SORL1: variants seen among roughly 807,000 people sequenced by gnomAD.
SORL1 encodes the protein sortilin-related receptor.
SORL1 carries 127 observed loss-of-function variants against 273.7 expected under a neutral mutation model. The observed-to-expected ratio is 0.46, with a 90% CI of 0.40 to 0.54. The LOEUF is 0.54. Among genes scored for constraint, SORL1 ranks in the 20% least tolerant of loss-of-function variants. SORL1 has a pLI of 0.00. For synonymous variants in SORL1, 1,031 were observed against 1,067.4 expected (o/e 0.97, Z 0.66); for missense variants, 2,494 against 2,846.1 (o/e 0.88, Z 2.81).
At chr11:121,458,868 T>A (rs907760147) in intron 1 of SORL1, among the ~76,000 whole-genome samples, 1 of 152,304 alleles carries the variant, frequency 6.6e-6, no homozygotes, top group Non-Finnish European at 1.5e-5. Flanking sequence ...ACATGACCAA[T>A]GCTTTGTGCA....
chr11:121,468,982 AGGT>A, intron 1 of SORL1, among the ~76,000 whole-genome samples: 1 of 152,370 alleles, frequency 6.6e-6, no homozygotes, highest in Non-Finnish European at 1.5e-5. Context: ...TTGCCCTGTA[AGGT>A]GAGCTGCGTA....
At chr11:121,497,687 T>G (rs1461301652) in intron 6 of SORL1, among the ~76,000 whole-genome samples, 1 of 152,176 alleles carries the variant, frequency 6.6e-6, no homozygotes, top group Non-Finnish European at 1.5e-5. Flanking sequence ...GTCTTGAAAT[T>G]GTATTGAGTT....
chr11:121,614,060 A>AC (rs1863606662), intron 40 of SORL1, among the ~76,000 whole-genome samples: 1 of 152,068 alleles, frequency 6.6e-6, no homozygotes, highest in Non-Finnish European at 1.5e-5. Context: ...CAGGCCTTAA[A>AC]CCCCAGTCCT....
intron 41 of SORL1, among the ~76,000 whole-genome samples, chr11:121,617,448 A>G (rs537562956): frequency 6.6e-6 from 1 of 152,356 alleles, no homozygotes; most frequent in South Asian, 2.1e-4. Context: ...TATGGTTTGT[A>G]GGACATGACT....
At chr11:121,478,852 G>A (rs370200255) in intron 3 of SORL1, among the ~76,000 whole-genome samples, 3 of 151,836 alleles carry the variant, frequency 2.0e-5, no homozygotes, top group South Asian at 4.1e-4. Context: ...GGGTACCTGC[G>A]TGTGTGTGCT....
At chr11:121,574,479 T>G in intron 24 of SORL1, 116 bp downstream of exon 24, 1 of 935,964 alleles carries the variant, frequency 1.1e-6, no homozygotes, top group Admixed American at 2.4e-5. Flanking sequence ...ATTTATGATA[T>G]TCTAGCTGAA....
chr11:121,552,859 C>G (rs1276375864), intron 16 of SORL1, among the ~76,000 whole-genome samples: 5 of 152,144 alleles, frequency 3.3e-5, no homozygotes, highest in African/African-American at 4.8e-5. Flanking sequence ...GCATCTTGGT[C>G]CCATATGCAA....
At chr11:121,605,702 C>A in intron 35 of SORL1, 131 bp downstream of exon 35, 1 of 708,852 alleles carries the variant, frequency 1.4e-6, no homozygotes, top group Non-Finnish European at 2.4e-6. Flanking sequence ...GGTGGCTAAG[C>A]TTTATAGTCT....
intron 27 of SORL1, among the ~76,000 whole-genome samples, 154 bp from the exon 28 acceptor site, chr11:121,587,866 C>T (rs1054258376): frequency 2.0e-5 from 3 of 152,212 alleles, no homozygotes; most frequent in African/African-American, 7.2e-5. Context: ...AATGCTTTAG[C>T]TCTAGGCTTG....
chr11:121,513,700 T>G (rs1272209148), intron 7 of SORL1, among the ~76,000 whole-genome samples: 1 of 152,178 alleles, frequency 6.6e-6, no homozygotes, highest in African/African-American at 2.4e-5. Flanking sequence ...GCTCACTTAC[T>G]TACCTTCCAC....
intron 18 of SORL1, chr11:121,557,019 T>G (rs1862597216): frequency 2.6e-6 from 1 of 386,280 alleles, no homozygotes; most frequent in Non-Finnish European, 4.7e-6. Flanking sequence ...ATTTACTTAT[T>G]TGAGTAATTT....
rs761703520 is a variant in SORL1 at position 121,607,264 on chromosome 11, T to C, written c.5140T>C (p.Leu1714=). The change falls in exon 37 of 48, where the codon TTG becomes CTG. Residue 1714 remains leucine, a synonymous_variant. Transcript: ENST00000260197. ...TAACTTTACAGAAATCAAGAACTTA[T>C]TGGTCAACACTCTATACACCGTCAG... The part of the protein sequence containing the change: ...ASNFTEIKNL[L]VNTLYTVRVA... 3 of 1,607,158 alleles carry C rather than the reference T, an allele frequency of 1.9e-6. No homozygotes were observed. Among genetic ancestry groups the C allele is most frequent in the Non-Finnish European group, 2.6e-6 (3 of 1,173,860 alleles).
chr11:121,627,554 G>A lies in SORL1; in HGVS notation c.6365-1G>A. 1 of 1,613,916 alleles carries A rather than the reference G, an allele frequency of 6.2e-7. No homozygotes were observed. Among genetic ancestry groups the A allele is most frequent in the Non-Finnish European group, 8.5e-7 (1 of 1,179,832 alleles). On this transcript the variant is annotated splice_acceptor_variant, in intron 46 of 47. Coordinates refer to ENST00000260197, the MANE Select transcript of SORL1 (RefSeq NM_003105.6). LOFTEE classifies it high-confidence loss of function. The surrounding 1 kb of genome is among the most constrained non-coding windows in gnomAD (Gnocchi z 4.9). Reference sequence around the variant, plus strand: ...TATTGGTGGGAACTTTGCCTTGGCAGGTGCAGATGCATCTGCAACGCAGGC... The same window carrying A: ...TATTGGTGGGAACTTTGCCTTGGCAAGTGCAGATGCATCTGCAACGCAGGC...
At chr11:121,589,481 C>T in intron 29 of SORL1, 91 bp downstream of exon 29, 1 of 1,496,256 alleles carries the variant, frequency 6.7e-7, no homozygotes, top group Non-Finnish European at 9.2e-7. Flanking sequence ...AACCCCACTG[C>T]AGACTTGGCC....
chr11:121,503,499 C>T (rs895421105), intron 6 of SORL1, among the ~76,000 whole-genome samples: 1 of 151,936 alleles, frequency 6.6e-6, no homozygotes, highest in African/African-American at 2.4e-5. Flanking sequence ...GACTCCTTCT[C>T]TCTTTTTTTT....
In SORL1 at chr11:121,550,135, A is replaced by G. The variant is rs751119486; in HGVS notation, c.2180+47A>G. 5.7e-6 allele frequency: 9 copies of G among 1,590,572 alleles called. No homozygotes were observed. The East Asian group carries it at 1.8e-4, about 32-fold the overall frequency. On this transcript the variant is annotated intron_variant, in intron 15 of 47. Transcript: ENST00000260197. This position sits in a 1 kb window ranked among gnomAD's most constrained non-coding sequence, Gnocchi z 5.3. ...CTGTCAGGTTCTCAGCGGTCCGCACATGGAGCGAGAGAGCATAGAGGACCG... is the reference window on the plus strand; with the variant it reads ...CTGTCAGGTTCTCAGCGGTCCGCACGTGGAGCGAGAGAGCATAGAGGACCG...
In SORL1 at chr11:121,470,053, G is replaced by T; in HGVS notation, c.332G>T (p.Gly111Val). 6.2e-7 allele frequency: 1 copy of T among 1,614,144 alleles called. No homozygotes were observed. Among genetic ancestry groups the T allele is most frequent in the South Asian group, 1.1e-5 (1 of 91,086 alleles). ...AATCAGATGGTGGTGCACTGGGCTGGAGAGAAAAGCAACGTGATCGTGGCC... is the reference window on the plus strand; with the variant it reads ...AATCAGATGGTGGTGCACTGGGCTGTAGAGAAAAGCAACGTGATCGTGGCC... ...SHNQMVVHWA[G>V]EKSNVIVALA... The change falls in exon 2 of 48, where the codon GGA (glycine) becomes GTA (valine). Residue 111 changes from glycine to valine, a missense_variant. Transcript: ENST00000260197.
At chr11:121,594,758 C>T (rs1251465918) in intron 31 of SORL1, among the ~76,000 whole-genome samples, 1 of 152,006 alleles carries the variant, frequency 6.6e-6, no homozygotes, top group Non-Finnish European at 1.5e-5. Context: ...TTCTTGGTTG[C>T]TGCTTGTATT....
At position 121,627,678 on chromosome 11, in the gene SORL1, G is replaced by T. The variant is rs143615238; in HGVS notation, c.6488G>T (p.Arg2163Leu). The T allele has an allele frequency of 1.2e-6, 2 of 1,614,116 alleles. No individual in the cohort carries two copies. Among genetic ancestry groups the T allele is most frequent in the Non-Finnish European group, 1.7e-6 (2 of 1,179,998 alleles). The change falls in exon 47 of 48, where the codon CGG becomes CTG. Residue 2163 changes from arginine (R) to leucine (L), a missense_variant. Arg to Leu is a moderately radical substitution (Grantham distance 102, BLOSUM62 -2). Coordinates refer to ENST00000260197, the MANE Select transcript of SORL1 (RefSeq NM_003105.6). The surrounding 1 kb of genome is among the most constrained non-coding windows in gnomAD (Gnocchi z 4.9). ...TTTGCCATCCTGTACACGAAGCACC[G>T]GAGGCTGCAGAGCAGCTTCACCGCC... is the stretch of plus-strand genomic sequence containing the variant. ...VGFAILYTKH[R>L]RLQSSFTAFA... is the part of the protein sequence containing the mutation.
Sources: gnomAD v4.1 joint callset for allele counts (sites outside exome capture counted in the v4.1 genomes callset) on GRCh38, gnomAD v4.1.1 for gene constraint, Gnocchi (gnomAD v3.1) non-coding constraint, MANE v1.5 for transcripts, NCBI Gene and HGNC (gene_info 2026-07-23, HGNC 2026-07-21) for gene names.